The following TAFA2 variants were observed in gnomAD, a reference collection of about 807,000 sequenced individuals.
TAFA2 encodes chemokine-like protein TAFA-2.
A neutral mutation model predicts 18.8 loss-of-function variants in TAFA2; 7 were observed. The ratio of observed to expected loss-of-function variants is 0.37; its 90% CI spans 0.21 to 0.70. The LOEUF (loss-of-function observed/expected upper bound fraction) is 0.70, where lower values mean the gene tolerates loss of function less well. TAFA2 is among the 30% of genes least tolerant of loss of function. The pLI is 0.53. For synonymous variants in TAFA2, 60 were observed against 54.2 expected (o/e 1.11, Z -0.47); for missense variants, 122 against 158.1 (o/e 0.77, Z 1.23).
chr12:62,195,791 T>C (rs530303392), upstream of TAFA2, among the ~76,000 whole-genome samples: 18 of 152,320 alleles, frequency 1.2e-4, no homozygotes, highest in East Asian at 3.1e-3. Context: ...TTAAGGGCCA[T>C]ACGATTTTCA....
intron 1 of TAFA2, among the ~76,000 whole-genome samples, chr12:62,182,314 C>A (rs1368758155): frequency 1.3e-5 from 2 of 152,168 alleles, no homozygotes; most frequent in East Asian, 1.9e-4. Flanking sequence ...CTTACAAATT[C>A]TGTGCTCCTA....
intron 2 of TAFA2, among the ~76,000 whole-genome samples, chr12:61,846,657 A>G (rs1334378984): frequency 2.0e-5 from 3 of 152,344 alleles, no homozygotes; most frequent in African/African-American, 7.2e-5. Flanking sequence ...TGCTTACATA[A>G]CTTAAACATT....
At chr12:62,035,733 CT>C (rs34859628) in intron 1 of TAFA2, among the ~76,000 whole-genome samples, 5,059 of 59,998 alleles carry the variant, frequency 0.084, 37 homozygotes, top group Non-Finnish European at 0.11. Context: ...ATGATTCTTT[CT>C]TTTTTTTTTT....
At chr12:62,004,197 T>A (rs2136704238) in intron 1 of TAFA2, among the ~76,000 whole-genome samples, 1 of 152,260 alleles carries the variant, frequency 6.6e-6, no homozygotes, top group South Asian at 2.1e-4. Context: ...CCATACATAA[T>A]TAAAGAAAGT....
At chr12:61,969,861 GC>G (rs1462423997) in intron 1 of TAFA2, among the ~76,000 whole-genome samples, 6 of 151,528 alleles carry the variant, frequency 4.0e-5, no homozygotes, top group Non-Finnish European at 5.9e-5. Flanking sequence ...AAGAACAAAG[GC>G]AGAGATATAC....
rs573816445 is a variant in TAFA2 at position 62,017,602 on chromosome 12, T to C, written c.-1-150176A>G. ...GTGGTGAAATATTTTTATTCTGGAG[T>C]GTATTTTGTTATATTCTCCACCACT... On this transcript the variant is annotated intron_variant, in intron 1 of 4. Transcript: ENST00000416284. Among the ~76,000 whole-genome samples, 11 of 152,144 alleles carry C rather than the reference T, an allele frequency of 7.2e-5. No homozygotes were observed. In the South Asian group the frequency reaches 2.3e-3, roughly 32 times the overall value.
chr12:61,945,096 G>C (rs1353698126), intron 1 of TAFA2, among the ~76,000 whole-genome samples: 13 of 133,800 alleles, frequency 9.7e-5, no homozygotes, highest in Admixed American at 5.8e-4. Context: ...ACATCAAAAA[G>C]CTTATCCACC....
chr12:62,110,342 T>C (rs892915838), intron 1 of TAFA2, among the ~76,000 whole-genome samples: 9 of 152,202 alleles, frequency 5.9e-5, no homozygotes, highest in African/African-American at 1.9e-4. Context: ...TTGATGGTGC[T>C]GGATAAGCTT....
intron 1 of TAFA2, among the ~76,000 whole-genome samples, chr12:62,014,915 C>T (rs1028311548): frequency 2.0e-5 from 3 of 152,148 alleles, no homozygotes; most frequent in African/African-American, 7.2e-5. Context: ...AAAAAAAAGC[C>T]ATCCATTTCA....
At position 61,788,920 on chromosome 12, in the gene TAFA2, A is replaced by G. The variant is rs1245018160; in HGVS notation, c.107-33896T>C. ...CTAAAAGTTTTTTTCTATTAACAAA[A>G]GCCATATGTTTATTGGCCACATAAA... On this transcript the variant is annotated intron_variant, in intron 2 of 4. Transcript: ENST00000416284. Among the ~76,000 whole-genome samples the G allele has an allele frequency of 2.0e-5, 3 of 151,760 alleles. No individual in the cohort carries two copies. The East Asian group carries it at 5.8e-4, about 29-fold the overall frequency.
intron 2 of TAFA2, among the ~76,000 whole-genome samples, chr12:61,800,141 T>A (rs889342936): frequency 2.6e-5 from 4 of 152,176 alleles, no homozygotes; most frequent in Non-Finnish European, 5.9e-5. Flanking sequence ...AAATTAGTGA[T>A]CAAGAGATAA....
intron 1 of TAFA2, among the ~76,000 whole-genome samples, chr12:61,975,249 T>C (rs896066755): frequency 6.6e-6 from 1 of 151,734 alleles, no homozygotes; most frequent in Non-Finnish European, 1.5e-5. Context: ...CATATTCATC[T>C]GATATAAGAT....
At chr12:61,760,365 A>ATATATATATATAT (rs1869483548) in intron 2 of TAFA2, among the ~76,000 whole-genome samples, 1 of 122,180 alleles carries the variant, frequency 8.2e-6, no homozygotes, top group African/African-American at 3.0e-5. Context: ...AAAATATCAA[A>ATATATATATATAT]ATATATATAT....
intron 1 of TAFA2, among the ~76,000 whole-genome samples, chr12:62,236,218 T>C (rs140241867): frequency 6.6e-6 from 1 of 152,060 alleles, no homozygotes; most frequent in South Asian, 2.1e-4. Flanking sequence ...TTTATGCGTG[T>C]ATTTACTTTA....
intron 1 of TAFA2, among the ~76,000 whole-genome samples, chr12:62,141,206 C>T (rs191876554): frequency 6.6e-6 from 1 of 152,258 alleles, no homozygotes; most frequent in Admixed American, 6.5e-5. Flanking sequence ...GCTTAAAGCC[C>T]CTAAGCATCT....
intron 1 of TAFA2, among the ~76,000 whole-genome samples, chr12:62,088,326 G>C (rs1394367584): frequency 6.6e-6 from 1 of 151,660 alleles, no homozygotes; most frequent in African/African-American, 2.4e-5. Context: ...AAAAAACAAG[G>C]CAAATTGAAT....
Position 61,998,610 on chromosome 12 carries a change from G to A in TAFA2, c.-1-131184C>T, listed in dbSNP as rs566398418. ...ACAGATGGGGAAACTGAAGCTCCAAGGAGTTAAATGTCTTGACCAAGGTCT... is the reference window on the plus strand; with the variant it reads ...ACAGATGGGGAAACTGAAGCTCCAAAGAGTTAAATGTCTTGACCAAGGTCT... On this transcript the variant is annotated intron_variant, in intron 1 of 4. Transcript: ENST00000416284. Among the ~76,000 whole-genome samples the A allele has an allele frequency of 3.2e-4, 49 of 152,286 alleles. No homozygotes were observed. The South Asian group carries it at 9.1e-3, about 28-fold the overall frequency.
intron 2 of TAFA2, among the ~76,000 whole-genome samples, chr12:61,809,279 T>C (rs909106301): frequency 6.6e-6 from 1 of 151,606 alleles, no homozygotes; most frequent in Non-Finnish European, 1.5e-5. Context: ...TTTTCTCATA[T>C]TTAAAATAGT....
chr12:61,940,713 C>T (rs576201578), intron 1 of TAFA2, among the ~76,000 whole-genome samples: 58 of 152,212 alleles, frequency 3.8e-4, no homozygotes, highest in African/African-American at 1.2e-3. Context: ...TAGCAATGGG[C>T]ATGCTGGTCA....
Sources: gnomAD v4.1 joint callset for allele counts (sites outside exome capture counted in the v4.1 genomes callset) on GRCh38, gnomAD v4.1.1 for gene constraint, MANE v1.5 for transcripts, NCBI Gene and HGNC (gene_info 2026-07-23, HGNC 2026-07-21) for gene names.